The following NME7 variants were observed in gnomAD, a reference collection of about 807,000 sequenced individuals.
The protein encoded by NME7 is NME/NM23 family member 7.
A neutral mutation model predicts 49.1 loss-of-function variants in NME7; 41 were observed. The observed-to-expected ratio is 0.83, with a 90% CI of 0.65 to 1.08. The LOEUF (loss-of-function observed/expected upper bound fraction) is 1.08. Ranked by LOEUF, NME7 falls within the 50% of genes least tolerant of loss-of-function variation. The pLI is 0.00. For synonymous variants in NME7, 139 were observed against 150.6 expected (o/e 0.92, Z 0.56); for missense variants, 423 against 463.4 (o/e 0.91, Z 0.80).
At position 169,324,463 on chromosome 1, in the gene NME7, T is replaced by C. The variant is rs1338901966; in HGVS notation, c.41A>G (p.Tyr14Cys). 6.2e-7 allele frequency: 1 copy of C among 1,613,082 alleles called. No individual in the cohort carries two copies. ...TCGAAGAAGTGAAGCATTTGGATCA[T>C]ACCACTCTGCAATGAAAACGAATCT... ...SERFVFIAEWYDPNASLLRRY... is the reference protein window; with the variant it reads ...SERFVFIAEWCDPNASLLRRY... Residue 14 changes from tyrosine to cysteine, a missense_variant, in exon 2 of 12, where the codon TAT becomes TGT. Tyr to Cys is a radical substitution (Grantham distance 194). Coordinates refer to ENST00000367811, the MANE Select transcript of NME7 (RefSeq NM_013330.5).
At chr1:169,338,356 A>G (rs954965949) in intron 1 of NME7, among the ~76,000 whole-genome samples, 1 of 152,242 alleles carries the variant, frequency 6.6e-6, no homozygotes, top group African/African-American at 2.4e-5. Context: ...TGAACAGAAC[A>G]CAAACACCTG....
At chr1:169,149,573 A>G (rs547006685) in intron 11 of NME7, among the ~76,000 whole-genome samples, 3 of 152,190 alleles carry the variant, frequency 2.0e-5, no homozygotes, top group Non-Finnish European at 4.4e-5. Flanking sequence ...AGTTGAATTT[A>G]TAAATTATGC....
intron 3 of NME7, among the ~76,000 whole-genome samples, chr1:169,311,332 T>C (rs1651377884): frequency 7.0e-6 from 1 of 142,674 alleles, no homozygotes. Context: ...GGCAGGAGAA[T>C]GATGTGAACC....
intron 10 of NME7, among the ~76,000 whole-genome samples, chr1:169,170,113 G>A (rs923790361): frequency 3.6e-4 from 55 of 152,232 alleles, no homozygotes; most frequent in East Asian, 1.5e-3. Context: ...TAGTGGTATG[G>A]GATAATTATT....
intron 2 of NME7, among the ~76,000 whole-genome samples, chr1:169,323,744 CAAT>C (rs1312099915): frequency 1.3e-5 from 2 of 149,516 alleles, no homozygotes; most frequent in Non-Finnish European, 3.0e-5. Context: ...TAACAGCTTT[CAAT>C]AATGAGGACG....
intron 11 of NME7, among the ~76,000 whole-genome samples, chr1:169,138,136 C>G (rs1658485069): frequency 6.6e-6 from 1 of 151,686 alleles, no homozygotes; most frequent in Non-Finnish European, 1.5e-5. Context: ...CATGGCGAAA[C>G]CTCGTTTCTA....
intron 10 of NME7, among the ~76,000 whole-genome samples, chr1:169,224,730 T>G (rs893944042): frequency 1.2e-4 from 19 of 152,182 alleles, no homozygotes; most frequent in Non-Finnish European, 1.5e-5. Flanking sequence ...TCCATTCATT[T>G]GTTCCACCAT....
intron 11 of NME7, among the ~76,000 whole-genome samples, chr1:169,138,346 GA>G (rs1658491778): frequency 6.6e-6 from 1 of 151,734 alleles, no homozygotes; most frequent in Admixed American, 6.6e-5. Context: ...AAGACTAAAT[GA>G]AAATGTCACA....
At chr1:169,156,165 T>TAAAAAAAAAAAAAAA (rs1364981563) in intron 11 of NME7, among the ~76,000 whole-genome samples, 1 of 85,778 alleles carries the variant, frequency 1.2e-5, no homozygotes, top group Non-Finnish European at 2.6e-5. Flanking sequence ...AAAAAAAAAT[T>TAAAAAAAAAAAAAAA]AGTGGGGCAT....
intron 10 of NME7, among the ~76,000 whole-genome samples, chr1:169,170,528 A>C (rs1659553770): frequency 6.6e-6 from 1 of 152,220 alleles, no homozygotes; most frequent in Admixed American, 6.5e-5. Context: ...ATTTTGATAA[A>C]GTAGAAAATA....
intron 3 of NME7, among the ~76,000 whole-genome samples, chr1:169,317,567 G>A (rs1179011608): frequency 6.6e-6 from 1 of 152,066 alleles, no homozygotes; most frequent in African/African-American, 2.4e-5. Flanking sequence ...ATTCCTCTAA[G>A]GCATTAGGGT....
At chr1:169,213,532 G>A (rs977357126) in intron 10 of NME7, among the ~76,000 whole-genome samples, 2 of 152,132 alleles carry the variant, frequency 1.3e-5, no homozygotes, top group African/African-American at 4.8e-5. Flanking sequence ...CAATAAGGCT[G>A]AACATATATG....
In NME7 at chr1:169,354,996, AATT is replaced by A. The variant is rs1226745630; in HGVS notation, c.3+12709_3+12711del. On this transcript the variant is annotated intron_variant, in intron 1 of 11. Transcript: ENST00000367811. ...AATTATATATGTTTATATATAATAT[AATT>A]ATATATGTTTATATATAATATAATT... is the stretch of plus-strand genomic sequence containing the variant. Among the ~76,000 whole-genome samples, 7 of 45,788 alleles carry A rather than the reference AATT, an allele frequency of 1.5e-4. 1 individual carries two copies. Among genetic ancestry groups the A allele is most frequent in the African/African-American group, 4.1e-4 (7 of 17,252 alleles). The allele number at this position is 45,788 out of a possible 152,430, so 30.0% of individuals were successfully genotyped here. A position where few individuals can be genotyped will look rare whatever the true frequency, so the allele number is the denominator to read the frequency against.
At chr1:169,218,826 G>A (rs1406293526) in intron 10 of NME7, among the ~76,000 whole-genome samples, 2 of 151,954 alleles carry the variant, frequency 1.3e-5, no homozygotes, top group African/African-American at 2.4e-5. Flanking sequence ...TCCACTGGAA[G>A]TAGGAAAAAA....
intron 7 of NME7, among the ~76,000 whole-genome samples, chr1:169,240,907 C>T (rs1648062941): frequency 6.6e-6 from 1 of 151,966 alleles, no homozygotes; most frequent in African/African-American, 2.4e-5. Flanking sequence ...TTGGCAAAGG[C>T]TATTGTCAGT....
chr1:169,151,112 G>C (rs1658901209), intron 11 of NME7, among the ~76,000 whole-genome samples: 1 of 151,998 alleles, frequency 6.6e-6, no homozygotes, highest in South Asian at 2.1e-4. Flanking sequence ...TGGAGCATTA[G>C]AGCTTGGGTA....
At chr1:169,205,217 CAG>C (rs1660641132) in intron 10 of NME7, among the ~76,000 whole-genome samples, 1 of 152,094 alleles carries the variant, frequency 6.6e-6, no homozygotes, top group Non-Finnish European at 1.5e-5. Flanking sequence ...TTTCTATAAT[CAG>C]AGTCAGTGTC....
Position 169,287,354 on chromosome 1 carries a change from T to C in NME7, c.703A>G (p.Lys235Glu), listed in dbSNP as rs559584636. Residue 235 changes from lysine to glutamate, a missense_variant, in exon 7 of 12, where the codon AAA (lysine) becomes GAA (glutamate). By Grantham distance (56) the Lys-to-Glu change is moderately conservative. Transcript: ENST00000367811. ...ATGCAACAGGTACAATTAGTAAATT[T>C]AGCAGTGTTTGCCGGCCCACAACCT... is the stretch of plus-strand genomic sequence containing the variant. ...SGGCGPANTA[K>E]FTNCTCCIVK... 55 of 1,610,950 alleles carry C rather than the reference T, an allele frequency of 3.4e-5. No individual in the cohort carries two copies. The South Asian group carries it at 5.7e-4, about 17-fold the overall frequency.
chr1:169,274,603 T>G (rs918518918), intron 7 of NME7, among the ~76,000 whole-genome samples: 2 of 133,884 alleles, frequency 1.5e-5, no homozygotes, highest in African/African-American at 5.1e-5. Flanking sequence ...GTTTTAGGTC[T>G]AACGTTTAAG....
Sources: allele counts gnomAD v4.1 joint callset (sites outside exome capture counted in the v4.1 genomes callset), GRCh38; gene constraint gnomAD v4.1.1; transcripts MANE v1.5; gene names NCBI Gene and HGNC (gene_info 2026-07-23, HGNC 2026-07-21).